CCNY: variants seen among roughly 807,000 people sequenced by gnomAD.
CCNY encodes cyclin Y.
CCNY carries 19 observed loss-of-function variants against 42.8 expected under a neutral mutation model. The ratio of observed to expected loss-of-function variants is 0.44; its 90% CI spans 0.31 to 0.65. The LOEUF is 0.65. Ranked by LOEUF, CCNY falls within the 30% of genes least tolerant of loss-of-function variation. The pLI, the probability that CCNY is intolerant of heterozygous loss-of-function variation, is 0.07. For synonymous variants in CCNY, 165 were observed against 162.7 expected, an observed-to-expected ratio of 1.01 and a Z score of -0.11; for missense variants, 370 against 437.3, an observed-to-expected ratio of 0.85 and a Z score of 1.37.
chr10:35,437,574 A>G (rs1210328072), intron 1 of CCNY, among the ~76,000 whole-genome samples: 1 of 151,850 alleles, frequency 6.6e-6, no homozygotes, highest in Non-Finnish European at 1.5e-5. Context: ...GTATTGCTTG[A>G]GCTGGGGAGG....
rs1009818600 is a variant in CCNY at position 35,571,161 on chromosome 10, T to C, written c.*1991T>C. 2.0e-5 allele frequency: 3 copies of C among 152,244 alleles called. No homozygotes were observed. The highest frequency in any genetic ancestry group is 2.9e-5 in the Non-Finnish European group (2 of 68,032). 9.4% of individuals were successfully genotyped at this position (152,244 alleles called of 1,614,324 possible). On this transcript the variant is annotated 3_prime_UTR_variant, in exon 10 of 10. Transcript: ENST00000374704. ...AAATTAGTTCCTCTCCAGTGAAGTA[T>C]CTTATTTTACCAATCCATTTCAGGA...
chr10:35,324,601 G>T (rs929713565), intron 3 of CCNY, among the ~76,000 whole-genome samples: 3 of 152,162 alleles, frequency 2.0e-5, no homozygotes, highest in Non-Finnish European at 2.9e-5. Context: ...AAGACACCCA[G>T]TAATTCCTCT....
rs184004676 is a variant in CCNY at position 35,479,809 on chromosome 10, G to A, written c.155-3595G>A. On this transcript the variant is annotated intron_variant, in intron 1 of 9. Coordinates refer to ENST00000374704, the MANE Select transcript of CCNY (RefSeq NM_145012.6). The stretch of plus-strand genomic sequence containing the variant: ...CATAGAGGTGAACTGAAACCACTAC[G>A]CTCTTCCAGATGTATTCTACCTCAT... Among the ~76,000 whole-genome samples the A allele has an allele frequency of 5.3e-5, 8 of 151,964 alleles. No homozygotes were observed. The East Asian group carries it at 5.8e-4, about 11-fold the overall frequency.
intron 1 of CCNY, among the ~76,000 whole-genome samples, chr10:35,457,437 G>T (rs1256753098): frequency 6.6e-6 from 1 of 152,156 alleles, no homozygotes; most frequent in African/African-American, 2.4e-5. Context: ...GCCCAGGGAG[G>T]CCTTGCCCCT....
intron 3 of CCNY, among the ~76,000 whole-genome samples, chr10:35,298,768 C>A (rs183730398): frequency 6.6e-6 from 1 of 152,162 alleles, no homozygotes; most frequent in Non-Finnish European, 1.5e-5. Context: ...TGTGGTGCTG[C>A]ACTTCAGTCT....
intron 2 of CCNY, among the ~76,000 whole-genome samples, chr10:35,488,467 CTT>C (rs1010399007): frequency 1.3e-5 from 2 of 152,168 alleles, no homozygotes; most frequent in African/African-American, 4.8e-5. Flanking sequence ...TCCCAGCTGT[CTT>C]TGGCTCGTTC....
At chr10:35,371,542 C>T (rs1836937521) in intron 1 of CCNY, among the ~76,000 whole-genome samples, 1 of 152,210 alleles carries the variant, frequency 6.6e-6, no homozygotes, top group African/African-American at 2.4e-5. Context: ...ACCTGCCTTT[C>T]TTAATGTCTC....
intron 1 of CCNY, among the ~76,000 whole-genome samples, chr10:35,438,313 T>A (rs1162545724): frequency 7.0e-6 from 1 of 142,230 alleles, no homozygotes; most frequent in African/African-American, 2.5e-5. Flanking sequence ...CATGCCTGAC[T>A]AATTAAAAAA....
At chr10:35,568,750 G>A (rs546255945) in intron 9 of CCNY, among the ~76,000 whole-genome samples, 48 of 152,346 alleles carry the variant, frequency 3.2e-4, no homozygotes, top group African/African-American at 1.0e-3. Context: ...GGTGGGGCCC[G>A]TCCCACACCC....
chr10:35,283,820 A>G (rs1835324048), intron 3 of CCNY, among the ~76,000 whole-genome samples: 1 of 152,216 alleles, frequency 6.6e-6, no homozygotes, highest in African/African-American at 2.4e-5. Context: ...GAGGTGTCTC[A>G]GGCCTGTATT....
At chr10:35,443,886 T>C (rs560437768) in intron 1 of CCNY, among the ~76,000 whole-genome samples, 6 of 152,312 alleles carry the variant, frequency 3.9e-5, no homozygotes, top group African/African-American at 1.2e-4. Context: ...TTTTGGGATG[T>C]TCTAAGTTGC....
At chr10:35,377,403 C>A (rs1037150541) in intron 1 of CCNY, among the ~76,000 whole-genome samples, 1 of 152,160 alleles carries the variant, frequency 6.6e-6, no homozygotes, top group African/African-American at 2.4e-5. Context: ...CATTGTGTTA[C>A]GATTGCCCAT....
chr10:35,253,414 A>AATTTTT (rs775450185), intron 3 of CCNY, among the ~76,000 whole-genome samples: 2 of 89,036 alleles, frequency 2.2e-5, no homozygotes, highest in African/African-American at 4.7e-5. Context: ...CATGCTCACT[A>AATTTTT]TTTTTTTTTT....
In CCNY at chr10:35,530,967, G is replaced by A. The variant is rs1840752502; in HGVS notation, c.579+724G>A. On this transcript the variant is annotated intron_variant, in intron 7 of 9. Coordinates refer to ENST00000374704, the MANE Select transcript of CCNY (RefSeq NM_145012.6). This position sits in a 1 kb window ranked among gnomAD's most constrained non-coding sequence, Gnocchi z 4.3. ...TACCTGTGGTCCCAGCTACTTGGAA[G>A]GCTGAGGTGAAAGGATCACTTAAGC... Among the ~76,000 whole-genome samples the A allele has an allele frequency of 6.6e-6, 1 of 152,148 alleles. No individual in the cohort carries two copies. The highest frequency in any genetic ancestry group is 2.1e-4 in the South Asian group (1 of 4,830).
chr10:35,317,817 G>A (rs1020236413), intron 3 of CCNY, among the ~76,000 whole-genome samples: 3 of 152,174 alleles, frequency 2.0e-5, no homozygotes, highest in African/African-American at 4.8e-5. Flanking sequence ...GGTGAGCACC[G>A]TTTGGAGGAA....
intron 1 of CCNY, among the ~76,000 whole-genome samples, chr10:35,354,337 C>G (rs1165744670): frequency 6.6e-6 from 1 of 152,062 alleles, no homozygotes; most frequent in African/African-American, 2.4e-5. Context: ...AGGCGCCCAC[C>G]ACCACGCCTG....
intron 3 of CCNY, among the ~76,000 whole-genome samples, chr10:35,311,197 A>G (rs1383256332): frequency 6.6e-6 from 1 of 151,950 alleles, no homozygotes; most frequent in Non-Finnish European, 1.5e-5. Flanking sequence ...GCATTCCTGT[A>G]GTCCCAGCTA....
At chr10:35,417,513 A>G (rs1314081887) in intron 1 of CCNY, among the ~76,000 whole-genome samples, 1 of 152,190 alleles carries the variant, frequency 6.6e-6, no homozygotes, top group African/African-American at 2.4e-5. Flanking sequence ...GGTCAGTTTT[A>G]GCTAAAATGT....
At chr10:35,394,619 G>A (rs1267527788) in intron 1 of CCNY, among the ~76,000 whole-genome samples, 1 of 152,202 alleles carries the variant, frequency 6.6e-6, no homozygotes, top group African/African-American at 2.4e-5. Context: ...TGGCTTTCAC[G>A]CTGAGTTGGT....
Sources: allele counts gnomAD v4.1 joint callset (sites outside exome capture counted in the v4.1 genomes callset), GRCh38; gene constraint gnomAD v4.1.1; non-coding constraint Gnocchi (gnomAD v3.1); transcripts MANE v1.5; gene names NCBI Gene and HGNC (gene_info 2026-07-23, HGNC 2026-07-21).